MUC5AC: variants seen among roughly 807,000 people sequenced by gnomAD.
The protein encoded by MUC5AC is mucin-5AC.
MUC5AC carries 158 observed loss-of-function variants against 169.7 expected under a neutral mutation model. The observed-to-expected ratio is 0.93, with a 90% CI of 0.82 to 1.06. The LOEUF (loss-of-function observed/expected upper bound fraction) is 1.06. Ranked by LOEUF, MUC5AC falls within the 50% of genes least tolerant of loss-of-function variation. The pLI is 0.00. For missense variants in MUC5AC, 4,359 were observed against 3,089.9 expected, an observed-to-expected ratio of 1.41 and a Z score of -9.74; for synonymous variants, 1,975 against 1,237.0, an observed-to-expected ratio of 1.60 and a Z score of -12.52.
At position 1,188,436 on chromosome 11, in the gene MUC5AC, A is replaced by T. The variant is rs1861006440; in HGVS notation, c.10291A>T (p.Ile3431Phe). 5 of 633,058 alleles carry T rather than the reference A, an allele frequency of 7.9e-6. No individual in the cohort carries two copies. The highest frequency in any genetic ancestry group is 6.7e-5 in the South Asian group (4 of 59,332). 39.2% of individuals were successfully genotyped at this position (633,058 alleles called of 1,614,324 possible). Residue 3431 changes from isoleucine to phenylalanine, a missense_variant, in exon 31 of 49, where the codon ATC becomes TTC. Transcript: ENST00000621226. ...AATCTCTGCTCGTACAACCAGCATAATCTCTGCCCCTACAACCAGCACAAC... is the reference window on the plus strand; with the variant it reads ...AATCTCTGCTCGTACAACCAGCATATTCTCTGCCCCTACAACCAGCACAAC... ...STISARTTSI[I>F]SAPTTSTTSS...
Position 1,185,584 on chromosome 11 carries a change from C to T in MUC5AC, c.7439C>T (p.Ala2480Val), listed in dbSNP as rs1403452853. Residue 2480 changes from alanine to valine, a missense_variant, in exon 31 of 49, where the codon GCT (alanine) becomes GTT (valine). By Grantham distance (64) the Ala-to-Val change is moderately conservative. Transcript: ENST00000621226. The part of the protein sequence containing the change: ...SAPKSSTTSA[A>V]TTSTTSGPET... The stretch of plus-strand genomic sequence containing the variant: ...CCTAAAAGCAGCACAACCTCTGCCG[C>T]TACAACCAGCACAACCTCTGGTCCT... The T allele has an allele frequency of 0.16, 113,534 of 723,764 alleles. 10,300 individuals carry two copies. The highest frequency in any genetic ancestry group is 0.19 in the Non-Finnish European group (76,597 of 396,804). 44.8% of individuals were successfully genotyped at this position (723,764 alleles called of 1,614,324 possible). A position where few individuals can be genotyped will look rare whatever the true frequency, so the allele number is the denominator to read the frequency against.
At position 1,189,465 on chromosome 11, in the gene MUC5AC, A is replaced by T; in HGVS notation, c.11320A>T (p.Asn3774Tyr). Residue 3774 changes from asparagine to tyrosine, a missense_variant, in exon 31 of 49, where the codon AAC (asparagine) becomes TAC (tyrosine). By Grantham distance (143) the Asn-to-Tyr change is moderately radical (BLOSUM62 -2). Coordinates refer to ENST00000621226, the MANE Select transcript of MUC5AC (RefSeq NM_001304359.2). The stretch of plus-strand genomic sequence containing the variant: ...GAGCACTTCCTCGGCTCCTACAACC[A>T]ACACAACCTCTGCCCCTACAACTAG... ...PTSTSSAPTTNTTSAPTTSTT... is the reference protein window; with the variant it reads ...PTSTSSAPTTYTTSAPTTSTT... 1.7e-6 allele frequency: 1 copy of T among 573,262 alleles called. No individual in the cohort carries two copies. Among genetic ancestry groups the T allele is most frequent in the South Asian group, 2.4e-5 (1 of 41,028 alleles). 35.5% of individuals were successfully genotyped at this position (573,262 alleles called of 1,614,324 possible). A position where few individuals can be genotyped will look rare whatever the true frequency, so the allele number is the denominator to read the frequency against.
In MUC5AC at chr11:1,181,298, G is replaced by A. The variant is rs981330295; in HGVS notation, c.3848G>A (p.Arg1283His). Reference protein sequence around the residue: ...EACVCTYNGQRFHPGDVIYHT... With the variant: ...EACVCTYNGQHFHPGDVIYHT... ...TGTGTCTGCACCTACAATGGACAGC[G>A]CTTCCACCCAGGGGACGTCATCTAC... is the stretch of plus-strand genomic sequence containing the variant. The change falls in exon 30 of 49, where the codon CGC becomes CAC. Residue 1283 changes from arginine to histidine, a missense_variant. By Grantham distance (29) the Arg-to-His change is conservative (BLOSUM62 0). Coordinates refer to ENST00000621226, the MANE Select transcript of MUC5AC (RefSeq NM_001304359.2). The A allele has an allele frequency of 2.0e-4, 81 of 398,550 alleles. No individual in the cohort carries two copies. Among genetic ancestry groups the A allele is most frequent in the Non-Finnish European group, 3.1e-4 (69 of 226,056 alleles). 24.7% of individuals were successfully genotyped at this position (398,550 alleles called of 1,614,324 possible).
chr11:1,170,769 CCACTCACCCACTCACCTATTCACTCACT>C (rs1860489573), intron 15 of MUC5AC, among the ~76,000 whole-genome samples: 3 of 144,474 alleles, frequency 2.1e-5, no homozygotes, highest in Non-Finnish European at 4.5e-5. Flanking sequence ...GCCCACTCAC[CCACTCACCCACTCACCTATTCACTCACT>C]CACTCACCCA....
At chr11:1,162,462 C>A in intron 4 of MUC5AC, 70 bp from the exon 5 acceptor site, 1 of 1,389,642 alleles carries the variant, frequency 7.2e-7, no homozygotes, top group Non-Finnish European at 1.0e-6. Flanking sequence ...TTTGCGACCG[C>A]AGGCATCTGC....
rs367771370 is a variant in MUC5AC, at chr11:1,195,009, C to A, written c.15191-3C>A. The A allele has an allele frequency of 2.7e-6, 2 of 733,494 alleles. No individual in the cohort carries two copies. The highest frequency in any genetic ancestry group is 2.5e-5 in the East Asian group (1 of 39,490). The allele number at this position is 733,494 out of a possible 1,614,324, so 45.4% of individuals were successfully genotyped here. A position where few individuals can be genotyped will look rare whatever the true frequency, so the allele number is the denominator to read the frequency against. On this transcript the variant is annotated splice_polypyrimidine_tract_variant and splice_region_variant and intron_variant, in intron 35 of 48. Coordinates refer to ENST00000621226, the MANE Select transcript of MUC5AC (RefSeq NM_001304359.2). ...CAGCCTGACCCCCACCGCGTCTGCC[C>A]AGGCACTTGCACCAACGACAGGAAG...
rs1860859956 is a variant in MUC5AC at position 1,183,580 on chromosome 11, G to A, written c.5435G>A (p.Ser1812Asn). Residue 1812 changes from serine to asparagine, a missense_variant, in exon 31 of 49, where the codon AGC becomes AAC. Ser to Asn is a conservative substitution (Grantham distance 46, BLOSUM62 1). Transcript: ENST00000621226. ...IEHLGQVVQC[S>N]REEGLVCRNQ... is the part of the protein sequence containing the mutation. ...CACCTGGGCCAGGTGGTGCAGTGCA[G>A]CCGGGAAGAGGGCCTGGTGTGCCGG... The A allele has an allele frequency of 3.1e-6, 2 of 639,572 alleles. No individual in the cohort carries two copies. The highest frequency in any genetic ancestry group is 5.6e-6 in the Non-Finnish European group (2 of 357,038). The allele number at this position is 639,572 out of a possible 1,614,324, so 39.6% of individuals were successfully genotyped here. A position where few individuals can be genotyped will look rare whatever the true frequency, so the allele number is the denominator to read the frequency against.
At chr11:1,165,560 G>T (rs55913171) in intron 10 of MUC5AC, 62 bp from the exon 11 acceptor site, 2 of 1,602,034 alleles carry the variant, frequency 1.2e-6, no homozygotes, top group African/African-American at 1.3e-5. Context: ...GCCTCCTGAC[G>T]CGGAGGCTGG....
rs1287485065 is a variant in MUC5AC, at chr11:1,188,453, C to A, written c.10308C>A (p.Thr3436=). 1.2e-5 allele frequency: 8 copies of A among 642,394 alleles called. No individual in the cohort carries two copies. The highest frequency in any genetic ancestry group is 2.0e-5 in the Non-Finnish European group (7 of 346,166). The allele number at this position is 642,394 out of a possible 1,614,324, so 39.8% of individuals were successfully genotyped here. A position where few individuals can be genotyped will look rare whatever the true frequency, so the allele number is the denominator to read the frequency against. The part of the protein sequence containing the change: ...RTTSIISAPT[T]STTSSPTTST... The stretch of plus-strand genomic sequence containing the variant: ...CCAGCATAATCTCTGCCCCTACAAC[C>A]AGCACAACCTCTTCCCCTACAACCA... The change falls in exon 31 of 49, where the codon ACC becomes ACA. Residue 3436 remains threonine (T), a synonymous_variant. Coordinates refer to ENST00000621226, the MANE Select transcript of MUC5AC (RefSeq NM_001304359.2).
intron 21 of MUC5AC, 107 bp downstream of exon 21, chr11:1,176,772 G>A (rs964009276): frequency 1.5e-5 from 6 of 398,422 alleles, no homozygotes; most frequent in African/African-American, 1.2e-4. Context: ...AAAACGCAGG[G>A]CACAGACTCA....
chr11:1,159,548 C>CTGTGT lies in MUC5AC; in HGVS notation c.74-1064_74-1063insTGTGT, dbSNP rs1860067654. On this transcript the variant is annotated intron_variant, in intron 1 of 48. Transcript: ENST00000621226. ...CATGCTGGTTCTGTGCGGGGCTGTG[C>CTGTGT]GGGGCTGTGCGGGGCTGTGCGGGGC... Among the ~76,000 whole-genome samples, 134 of 41,672 alleles carry CTGTGT rather than the reference C, an allele frequency of 3.2e-3. 52 individuals carry two copies. Among genetic ancestry groups the CTGTGT allele is most frequent in the African/African-American group, 0.011 (119 of 10,604 alleles). The allele number at this position is 41,672 out of a possible 152,430, so 27.3% of individuals were successfully genotyped here.
chr11:1,190,827 G>A lies in MUC5AC; in HGVS notation c.12682G>A (p.Val4228Ile), dbSNP rs1451751247. 8 of 738,406 alleles carry A rather than the reference G, an allele frequency of 1.1e-5. No homozygotes were observed. Among genetic ancestry groups the A allele is most frequent in the Non-Finnish European group, 1.7e-5 (7 of 404,776 alleles). The allele number at this position is 738,406 out of a possible 1,614,324, so 45.7% of individuals were successfully genotyped here. Residue 4228 changes from valine to isoleucine, a missense_variant, in exon 31 of 49, where the codon GTT (valine) becomes ATT (isoleucine). Transcript: ENST00000621226. ...TSGSGTTPSPVPTTSTTSAST... is the reference protein window; with the variant it reads ...TSGSGTTPSPIPTTSTTSAST... ...CGGTTCTGGAACTACTCCAAGCCCT[G>A]TTCCCACCACCAGCACAACCTCTGC...
Position 1,181,170 on chromosome 11 carries a change from T to C in MUC5AC, c.3808T>C (p.Tyr1270His), listed in dbSNP as rs1414258518. The change falls in exon 29 of 49, where the codon TAC (tyrosine) becomes CAC (histidine). Residue 1270 changes from tyrosine (Y) to histidine (H), a missense_variant. Transcript: ENST00000621226. Reference protein sequence around the residue: ...LCTERGVECTYKAEACVCTYN... With the variant: ...LCTERGVECTHKAEACVCTYN... ...TACGGAGCGCGGCGTGGAGTGCACC[T>C]ACAAAGCTGAGGGTGAGCGGCCGGC... 7 of 398,430 alleles carry C rather than the reference T, an allele frequency of 1.8e-5. No homozygotes were observed. Among genetic ancestry groups the C allele is most frequent in the Admixed American group, 4.4e-5 (1 of 22,714 alleles). 24.7% of individuals were successfully genotyped at this position (398,430 alleles called of 1,614,324 possible).
intron 15 of MUC5AC, 53 bp from the exon 16 acceptor site, chr11:1,172,376 G>C (rs1860570173): frequency 2.5e-6 from 1 of 398,586 alleles, no homozygotes; most frequent in Admixed American, 4.4e-5. Context: ...AGCTGGGTGG[G>C]ATGAGTGTGC....
chr11:1,176,740 C>G, intron 21 of MUC5AC, 75 bp downstream of exon 21: 1 of 398,518 alleles, frequency 2.5e-6, no homozygotes. Context: ...GACGGGCGAG[C>G]CCCCAGCACA....
Position 1,192,112 on chromosome 11 carries a change from A to T in MUC5AC, c.13967A>T (p.Asn4656Ile), listed in dbSNP as rs1217858949. The T allele has an allele frequency of 1.3e-6, 1 of 764,998 alleles. No individual in the cohort carries two copies. Among genetic ancestry groups the T allele is most frequent in the South Asian group, 1.3e-5 (1 of 74,612 alleles). The allele number at this position is 764,998 out of a possible 1,614,324, so 47.4% of individuals were successfully genotyped here. A position where few individuals can be genotyped will look rare whatever the true frequency, so the allele number is the denominator to read the frequency against. The stretch of plus-strand genomic sequence containing the variant: ...GGCGGGGACAAGGAAACCTACAACA[A>T]CATCATCAGGAGTGGGGAAAAAATC... ...PHGGDKETYNNIIRSGEKICR... is the reference protein window; with the variant it reads ...PHGGDKETYNIIIRSGEKICR... Residue 4656 changes from asparagine (N) to isoleucine (I), a missense_variant, in exon 31 of 49, where the codon AAC becomes ATC. By Grantham distance (149) the Asn-to-Ile change is moderately radical. Coordinates refer to ENST00000621226, the MANE Select transcript of MUC5AC (RefSeq NM_001304359.2).
Position 1,201,051 on chromosome 11 carries a change from A to C in MUC5AC, c.*349A>C, listed in dbSNP as rs13010. Reference sequence around the variant, plus strand: ...CTGCCTGGTGGCTGCAGGAGGAAGAACCTCACTCCTACCTCAGCCCTCAGC... The same window carrying C: ...CTGCCTGGTGGCTGCAGGAGGAAGACCCTCACTCCTACCTCAGCCCTCAGC... On this transcript the variant is annotated 3_prime_UTR_variant, in exon 49 of 49. Coordinates refer to ENST00000621226, the MANE Select transcript of MUC5AC (RefSeq NM_001304359.2). 41,555 of 226,728 alleles carry C rather than the reference A, an allele frequency of 0.18. 4,258 individuals carry two copies. Among genetic ancestry groups the C allele is most frequent in the Non-Finnish European group, 0.21 (23,900 of 116,132 alleles). 14.0% of individuals were successfully genotyped at this position (226,728 alleles called of 1,614,324 possible). A position where few individuals can be genotyped will look rare whatever the true frequency, so the allele number is the denominator to read the frequency against.
intron 15 of MUC5AC, among the ~76,000 whole-genome samples, chr11:1,170,923 TCACC>T (rs1860495171): frequency 9.5e-6 from 1 of 105,812 alleles, no homozygotes; most frequent in Non-Finnish European, 1.8e-5. Flanking sequence ...CCTCACTCAC[TCACC>T]CACTCACCCA....
At chr11:1,172,629 C>A in intron 16 of MUC5AC, 106 bp downstream of exon 16, 1 of 398,198 alleles carries the variant, frequency 2.5e-6, no homozygotes, top group Non-Finnish European at 4.4e-6. Flanking sequence ...GCAGGACTAA[C>A]CTTTCTAGGC....
Sources: gnomAD v4.1 joint callset for allele counts (sites outside exome capture counted in the v4.1 genomes callset) on GRCh38, gnomAD v4.1.1 for gene constraint, MANE v1.5 for transcripts, NCBI Gene and HGNC (gene_info 2026-07-23, HGNC 2026-07-21) for gene names.